MEMO1: variants seen among roughly 807,000 people sequenced by gnomAD.
MEMO1 encodes the protein mediator of cell motility 1.
Under a neutral mutation model 45.2 loss-of-function variants are expected in MEMO1, and 6 were observed. The ratio of observed to expected loss-of-function variants is 0.13; its 90% CI spans 0.07 to 0.26. MEMO1 has a LOEUF of 0.26. Among genes scored for constraint, MEMO1 ranks in the 10% least tolerant of loss-of-function variants. The pLI is 1.00. For synonymous variants in MEMO1, 78 were observed against 124.3 expected (o/e 0.63, Z 2.48); for missense variants, 184 against 370.5 (o/e 0.50, Z 4.13).
chr2:31,871,038 T>C lies in MEMO1; in HGVS notation c.658-1086A>G, dbSNP rs543291598. ...CTATGACTTGAACATTAGTTTACAC[T>C]AAATTCTGCAATCTCCAAATACATT... On this transcript the variant is annotated intron_variant, in intron 8 of 9. Coordinates refer to ENST00000404530, the MANE Select transcript of MEMO1 (RefSeq NM_001301833.4). 3.0e-3 allele frequency among the ~76,000 whole-genome samples: 452 copies of C among 152,368 alleles called. 1 individual carries two copies. The highest frequency in any genetic ancestry group is 0.01 in the African/African-American group (426 of 41,594).
intron 2 of MEMO1, among the ~76,000 whole-genome samples, chr2:31,961,755 G>A (rs935614840): frequency 3.3e-5 from 5 of 151,868 alleles, no homozygotes; most frequent in African/African-American, 4.8e-5. Context: ...TGCAGCCTGG[G>A]TGACAAAGTG....
intron 6 of MEMO1, among the ~76,000 whole-genome samples, chr2:31,895,659 A>AGGGG: frequency 6.6e-6 from 1 of 152,240 alleles, no homozygotes; most frequent in Admixed American, 6.5e-5. Context: ...GGAACTTCAG[A>AGGGG]AAGGGAACAG....
chr2:31,872,850 C>T (rs1340653166), intron 8 of MEMO1, among the ~76,000 whole-genome samples: 2 of 152,026 alleles, frequency 1.3e-5, no homozygotes, highest in Admixed American at 6.6e-5. Flanking sequence ...AGGCTTTTCT[C>T]ATAAGTGAAC....
At chr2:31,939,117 A>T (rs950677232) in intron 3 of MEMO1, among the ~76,000 whole-genome samples, 1 of 152,106 alleles carries the variant, frequency 6.6e-6, no homozygotes, top group Non-Finnish European at 1.5e-5. Context: ...CTCAAAAAAA[A>T]AAAAAAGATA....
intron 2 of MEMO1, among the ~76,000 whole-genome samples, chr2:31,999,556 G>A (rs1673016853): frequency 6.6e-6 from 1 of 152,116 alleles, no homozygotes; most frequent in Non-Finnish European, 1.5e-5. Flanking sequence ...TGTAGTCCCA[G>A]CTACTCAGGA....
At chr2:31,975,123 G>A (rs2148477366) in intron 2 of MEMO1, among the ~76,000 whole-genome samples, 1 of 152,284 alleles carries the variant, frequency 6.6e-6, no homozygotes, top group African/African-American at 2.4e-5. Context: ...AGTGAGCCAA[G>A]ATCGTGCCAC....
chr2:31,903,969 T>G (rs1210094346), intron 6 of MEMO1, among the ~76,000 whole-genome samples: 1 of 152,218 alleles, frequency 6.6e-6, no homozygotes. Flanking sequence ...TTTCTCTATT[T>G]CTAACATTTG....
chr2:31,923,503 G>A (rs1682639132), intron 4 of MEMO1: 3 of 958,892 alleles, frequency 3.1e-6, no homozygotes, highest in African/African-American at 1.7e-5. Flanking sequence ...CTAAAAGATA[G>A]CACTCTGGTC....
chr2:31,948,818 A>C (rs927586480), intron 2 of MEMO1, among the ~76,000 whole-genome samples: 2 of 152,188 alleles, frequency 1.3e-5, no homozygotes, highest in African/African-American at 4.8e-5. Context: ...ATTTTGAGAT[A>C]ATCTAAATCC....
At chr2:31,877,802 A>G (rs931930444) in intron 8 of MEMO1, among the ~76,000 whole-genome samples, 13 of 152,280 alleles carry the variant, frequency 8.5e-5, no homozygotes, top group African/African-American at 2.9e-4. Context: ...TCTTAAATAT[A>G]TATTTATTAT....
At chr2:31,876,610 T>C (rs1381833941) in intron 8 of MEMO1, among the ~76,000 whole-genome samples, 4 of 152,262 alleles carry the variant, frequency 2.6e-5, no homozygotes, top group Admixed American at 2.0e-4. Flanking sequence ...GTCTACCTAA[T>C]TGACATCTCT....
chr2:31,950,947 A>G (rs1666780080), intron 2 of MEMO1, among the ~76,000 whole-genome samples: 1 of 152,178 alleles, frequency 6.6e-6, no homozygotes. Context: ...CGTCCTTCAT[A>G]CCATTAAGAG....
chr2:31,936,943 C>T (rs1034908312), intron 3 of MEMO1, among the ~76,000 whole-genome samples: 6 of 152,186 alleles, frequency 3.9e-5, no homozygotes, highest in African/African-American at 1.4e-4. Flanking sequence ...ATGGGAAGAT[C>T]TCCTCCAACA....
intron 7 of MEMO1, 64 bp from the exon 8 acceptor site, chr2:31,883,526 C>T (rs1558475389): frequency 1.7e-5 from 20 of 1,189,384 alleles, no homozygotes; most frequent in South Asian, 7.6e-5. Context: ...AGAAAGCAAG[C>T]GCTTACCAAA....
intron 2 of MEMO1, among the ~76,000 whole-genome samples, chr2:31,991,050 A>T (rs959701732): frequency 4.6e-5 from 7 of 152,222 alleles, no homozygotes; most frequent in Non-Finnish European, 2.9e-5. Context: ...TCAACTATCA[A>T]ATTTGTTAAC....
intron 7 of MEMO1, among the ~76,000 whole-genome samples, chr2:31,887,385 A>G (rs949926827): frequency 1.3e-5 from 2 of 152,206 alleles, no homozygotes; most frequent in Admixed American, 6.5e-5. Context: ...AGATCAGTCA[A>G]TAAGATAGAT....
intron 6 of MEMO1, among the ~76,000 whole-genome samples, chr2:31,899,674 A>T (rs1401047915): frequency 6.6e-6 from 1 of 152,242 alleles, no homozygotes; most frequent in Non-Finnish European, 1.5e-5. Flanking sequence ...AGAAGCCAAA[A>T]TTGACAAATG....
intron 2 of MEMO1, among the ~76,000 whole-genome samples, chr2:32,005,860 G>C (rs1216941066): frequency 2.6e-5 from 4 of 152,104 alleles, no homozygotes; most frequent in African/African-American, 9.7e-5. Flanking sequence ...CATGGTACCT[G>C]GCTTACCTCA....
Position 31,872,303 on chromosome 2 carries a change from C to T in MEMO1, c.658-2351G>A, listed in dbSNP as rs78273991. Among the ~76,000 whole-genome samples the T allele has an allele frequency of 4.1e-3, 628 of 152,282 alleles. 15 individuals are homozygous for T. In the East Asian group the frequency reaches 0.065, roughly 16 times the overall value. On this transcript the variant is annotated intron_variant, in intron 8 of 9. Transcript: ENST00000404530. ...GTACTAAAGTATAACAAGACTCATA[C>T]TAACAATTCTTTGAACACTTACATA...
Sources: allele counts gnomAD v4.1 joint callset (sites outside exome capture counted in the v4.1 genomes callset), GRCh38; gene constraint gnomAD v4.1.1; transcripts MANE v1.5; gene names NCBI Gene and HGNC (gene_info 2026-07-23, HGNC 2026-07-21).